HDAC9: variants seen among roughly 807,000 people sequenced by gnomAD.
The protein encoded by HDAC9 is MEF-2 interacting transcription repressor (MITR) protein.
HDAC9 carries 41 observed loss-of-function variants against 139.4 expected under a neutral mutation model. The observed-to-expected ratio is 0.29, with a 90% CI of 0.23 to 0.38. The LOEUF (loss-of-function observed/expected upper bound fraction) is 0.38, where lower values mean the gene tolerates loss of function less well. Ranked by LOEUF, HDAC9 falls within the 10% of genes least tolerant of loss-of-function variation. The pLI, the probability that HDAC9 is intolerant of heterozygous loss-of-function variation, is 1.00. For synonymous variants in HDAC9, 517 were observed against 476.2 expected, an observed-to-expected ratio of 1.09 and a Z score of -1.12; for missense variants, 1,147 against 1,297.0, an observed-to-expected ratio of 0.88 and a Z score of 1.78.
intron 2 of HDAC9, among the ~76,000 whole-genome samples, chr7:18,191,161 T>G (rs774294878): frequency 6.6e-6 from 1 of 152,230 alleles, no homozygotes; most frequent in African/African-American, 2.4e-5. Context: ...AACCATTGAT[T>G]AACACATTAT....
chr7:18,120,823 A>T (rs1335294400), intron 1 of HDAC9, among the ~76,000 whole-genome samples: 1 of 152,202 alleles, frequency 6.6e-6, no homozygotes. Flanking sequence ...TTTCAAAAGC[A>T]ATTTGATTTG....
At chr7:18,121,285 C>T (rs1432587037) in intron 1 of HDAC9, among the ~76,000 whole-genome samples, 2 of 152,138 alleles carry the variant, frequency 1.3e-5, no homozygotes, top group Non-Finnish European at 2.9e-5. Flanking sequence ...GGGACTTGCA[C>T]ATTGAAAAAT....
At chr7:18,564,264 A>G (rs1412621737) in intron 2 of HDAC9, among the ~76,000 whole-genome samples, 4 of 152,212 alleles carry the variant, frequency 2.6e-5, no homozygotes, top group Non-Finnish European at 5.9e-5. Context: ...GTCCATGGCT[A>G]TAAATTAATT....
intron 1 of HDAC9, among the ~76,000 whole-genome samples, chr7:18,418,422 A>C (rs9638753): frequency 2.1e-5 from 3 of 145,446 alleles, no homozygotes; most frequent in African/African-American, 7.9e-5. Context: ...AAGTATACAA[A>C]CCAAAAAAAA....
chr7:18,897,909 A>G (rs1801360687), intron 22 of HDAC9, among the ~76,000 whole-genome samples: 1 of 151,454 alleles, frequency 6.6e-6, no homozygotes, highest in African/African-American at 2.4e-5. Context: ...TATCGTGTCC[A>G]TGTGTGATCT....
intron 12 of HDAC9, among the ~76,000 whole-genome samples, chr7:18,688,844 A>G (rs1782468129): frequency 6.6e-6 from 1 of 151,948 alleles, no homozygotes; most frequent in African/African-American, 2.4e-5. Flanking sequence ...GGTTAAGACA[A>G]GTAAATATCT....
At chr7:18,935,253 G>A (rs1392487781) in intron 22 of HDAC9, among the ~76,000 whole-genome samples, 5 of 151,924 alleles carry the variant, frequency 3.3e-5, no homozygotes, top group African/African-American at 4.8e-5. Context: ...TTTATAACTC[G>A]TATAGATGTT....
At chr7:18,630,118 C>T (rs1435622365) in intron 7 of HDAC9, among the ~76,000 whole-genome samples, 2 of 151,854 alleles carry the variant, frequency 1.3e-5, no homozygotes, top group East Asian at 1.9e-4. Context: ...CTTACAACAC[C>T]CCTAGTTCCA....
chr7:18,884,900 T>C (rs1415618120), intron 22 of HDAC9, among the ~76,000 whole-genome samples: 1 of 152,214 alleles, frequency 6.6e-6, no homozygotes, highest in African/African-American at 2.4e-5. Context: ...CTTTACTGTT[T>C]AATACTCTGT....
chr7:18,427,218 T>C (rs1790197319), intron 1 of HDAC9, among the ~76,000 whole-genome samples: 1 of 152,176 alleles, frequency 6.6e-6, no homozygotes. Flanking sequence ...CCTAAATTCC[T>C]GTTGAAGTAA....
At chr7:18,645,780 A>G (rs545421187) in intron 9 of HDAC9, among the ~76,000 whole-genome samples, 37 of 152,262 alleles carry the variant, frequency 2.4e-4, no homozygotes, top group African/African-American at 8.4e-4. Flanking sequence ...AGTTTGGCCA[A>G]TCTTTACCTT....
At chr7:18,241,167 G>C (rs1406100925) in intron 2 of HDAC9, among the ~76,000 whole-genome samples, 1 of 152,124 alleles carries the variant, frequency 6.6e-6, no homozygotes, top group Non-Finnish European at 1.5e-5. Context: ...TTTCACTTAA[G>C]TTACACTGCT....
intron 3 of HDAC9, among the ~76,000 whole-genome samples, chr7:18,589,267 C>T (rs566218384): frequency 3.8e-4 from 58 of 152,210 alleles, no homozygotes; most frequent in African/African-American, 1.3e-3. Flanking sequence ...GGCTCACACC[C>T]GTAATCCCGG....
Position 18,732,850 on chromosome 7 carries a change from T to TGC in HDAC9, c.1909+5094_1909+5095insCG, listed in dbSNP as rs751411394. On this transcript the variant is annotated intron_variant, in intron 13 of 25. Coordinates refer to ENST00000686413, the MANE Select transcript of HDAC9 (RefSeq NM_178425.4). ...GTGTGCGTATGTGTACACACACGTG[T>TGC]GTATGTGTGCGTATGTGTACACACA... Among the ~76,000 whole-genome samples the TGC allele has an allele frequency of 1.2e-4, 8 of 66,798 alleles. 1 individual carries two copies. Among genetic ancestry groups the TGC allele is most frequent in the East Asian group, 8.3e-4 (1 of 1,208 alleles). The allele number at this position is 66,798 out of a possible 152,430, so 43.8% of individuals were successfully genotyped here.
chr7:18,837,792 T>G (rs572728048), intron 21 of HDAC9, among the ~76,000 whole-genome samples: 22 of 152,100 alleles, frequency 1.4e-4, no homozygotes, highest in Non-Finnish European at 2.8e-4. Flanking sequence ...TTACATAATG[T>G]AAACGCAGAT....
At chr7:18,601,320 A>G (rs934585858) in intron 6 of HDAC9, among the ~76,000 whole-genome samples, 2 of 152,154 alleles carry the variant, frequency 1.3e-5, no homozygotes, top group African/African-American at 4.8e-5. Context: ...TTAACTTTCT[A>G]TCTTGCCAAT....
At chr7:18,499,742 C>T (rs1270024119) in intron 2 of HDAC9, among the ~76,000 whole-genome samples, 1 of 152,088 alleles carries the variant, frequency 6.6e-6, no homozygotes, top group African/African-American at 2.4e-5. Flanking sequence ...ATAAGGAAAG[C>T]TCATATTTTG....
At chr7:18,390,131 G>A (rs1017629803) in intron 1 of HDAC9, among the ~76,000 whole-genome samples, 3 of 151,082 alleles carry the variant, frequency 2.0e-5, no homozygotes, top group Admixed American at 1.3e-4. Flanking sequence ...GATGAGGCAA[G>A]GGGTGAGAAC....
At chr7:18,353,422 C>G (rs118175639) in intron 1 of HDAC9, among the ~76,000 whole-genome samples, 5 of 152,098 alleles carry the variant, frequency 3.3e-5, no homozygotes, top group Non-Finnish European at 7.4e-5. Flanking sequence ...CTTTTTAGCT[C>G]TAAATCATGA....
Sources: gnomAD v4.1 joint callset for allele counts (sites outside exome capture counted in the v4.1 genomes callset) on GRCh38, gnomAD v4.1.1 for gene constraint, MANE v1.5 for transcripts, NCBI Gene and HGNC (gene_info 2026-07-23, HGNC 2026-07-21) for gene names.